The following CCDC171 variants were observed in gnomAD, a reference collection of about 807,000 sequenced individuals.
CCDC171 encodes the protein coiled-coil domain containing 171.
A neutral mutation model predicts 168.2 loss-of-function variants in CCDC171; 177 were observed. That is an observed-to-expected ratio of 1.05 (90% CI 0.93 to 1.19). The LOEUF is 1.19. CCDC171 is among the 50% of genes most tolerant of loss of function. CCDC171 has a pLI of 0.00. For missense variants in CCDC171, 1,991 were observed against 1,539.0 expected, an observed-to-expected ratio of 1.29 and a Z score of -4.91; for synonymous variants, 687 against 540.8, an observed-to-expected ratio of 1.27 and a Z score of -3.75.
At chr9:15,651,926 G>C (rs78787072) in intron 7 of CCDC171, among the ~76,000 whole-genome samples, 1 of 151,888 alleles carries the variant, frequency 6.6e-6, no homozygotes, top group African/African-American at 2.4e-5. Context: ...GATTTTTTTT[G>C]AGACAGGGTC....
At chr9:15,740,797 C>G (rs2054825108) in intron 16 of CCDC171, among the ~76,000 whole-genome samples, 1 of 152,086 alleles carries the variant, frequency 6.6e-6, no homozygotes. Context: ...CCTCTCATTC[C>G]TCTTCTTTTT....
At chr9:16,046,225 G>C (rs1833656799) in intron 1 of CCDC171, among the ~76,000 whole-genome samples, 1 of 152,158 alleles carries the variant, frequency 6.6e-6, no homozygotes, top group Admixed American at 6.5e-5. Flanking sequence ...CCAACACATG[G>C]ATGGATGCTG....
chr9:15,679,480 C>G (rs368824443), intron 10 of CCDC171, among the ~76,000 whole-genome samples: 78 of 152,298 alleles, frequency 5.1e-4, no homozygotes, highest in African/African-American at 1.7e-3. Context: ...TTTCTACCCT[C>G]TTATTTTGCC....
chr9:15,913,179 G>T (rs1186910610), intron 24 of CCDC171, among the ~76,000 whole-genome samples: 1 of 152,054 alleles, frequency 6.6e-6, no homozygotes, highest in Non-Finnish European at 1.5e-5. Context: ...GGCTTTTTTG[G>T]TTGGTAATTA....
At chr9:15,880,642 T>C (rs2131330367) in intron 24 of CCDC171, among the ~76,000 whole-genome samples, 1 of 147,118 alleles carries the variant, frequency 6.8e-6, no homozygotes, top group African/African-American at 2.6e-5. Flanking sequence ...TTTTTTTTTT[T>C]TTTTTGTAAT....
intron 25 of CCDC171, among the ~76,000 whole-genome samples, chr9:15,970,520 C>T (rs1831245805): frequency 6.6e-6 from 1 of 151,882 alleles, no homozygotes; most frequent in African/African-American, 2.4e-5. Flanking sequence ...TACAATTGAT[C>T]ACTATTTTCC....
At chr9:15,602,155 T>C (rs552789835) in intron 6 of CCDC171, among the ~76,000 whole-genome samples, 3 of 152,342 alleles carry the variant, frequency 2.0e-5, no homozygotes, top group African/African-American at 7.2e-5. Context: ...TTCTTGTCCT[T>C]TTTTTAATTA....
chr9:15,677,917 TATATATATAA>T (rs1302009428), intron 9 of CCDC171, among the ~76,000 whole-genome samples: 1,207 of 34,518 alleles, frequency 0.035, 130 homozygotes, highest in Non-Finnish European at 0.045. Context: ...TATATATATA[TATATATATAA>T]GAGATGTGGT....
At chr9:15,694,369 CAT>C (rs1314465703) in intron 10 of CCDC171, among the ~76,000 whole-genome samples, 1 of 152,156 alleles carries the variant, frequency 6.6e-6, no homozygotes, top group African/African-American at 2.4e-5. Context: ...TGTTCATTCA[CAT>C]ATATTTATTT....
In CCDC171 at chr9:15,603,281, T is replaced by C. The variant is rs115063900; in HGVS notation, c.675+9109T>C. Among the ~76,000 whole-genome samples, 270 of 152,292 alleles carry C rather than the reference T, an allele frequency of 1.8e-3. 2 individuals carry two copies. The highest frequency in any genetic ancestry group is 6.0e-3 in the African/African-American group (249 of 41,574). Reference sequence around the variant, plus strand: ...TTTATTTTAAGTTTTTGGGTACATATGCAGGATGTGCAGGTTAGTTACATA... The same window carrying C: ...TTTATTTTAAGTTTTTGGGTACATACGCAGGATGTGCAGGTTAGTTACATA... On this transcript the variant is annotated intron_variant, in intron 6 of 25. Coordinates refer to ENST00000380701, the MANE Select transcript of CCDC171 (RefSeq NM_173550.4).
At chr9:15,764,510 A>G (rs781374513) in intron 18 of CCDC171, among the ~76,000 whole-genome samples, 11 of 152,194 alleles carry the variant, frequency 7.2e-5, no homozygotes, top group Non-Finnish European at 1.5e-4. Flanking sequence ...AAAGATAGGA[A>G]TCAAGAATGG....
chr9:15,831,425 G>C (rs2060229055), intron 21 of CCDC171, among the ~76,000 whole-genome samples: 2 of 152,156 alleles, frequency 1.3e-5, no homozygotes, highest in African/African-American at 4.8e-5. Context: ...AAACACACTT[G>C]ACACTTTCTT....
intron 4 of CCDC171, among the ~76,000 whole-genome samples, chr9:15,580,431 C>T (rs930729382): frequency 2.6e-5 from 4 of 152,074 alleles, no homozygotes; most frequent in African/African-American, 9.7e-5. Flanking sequence ...AAAGAATAGT[C>T]AGCAGAGTAA....
At chr9:15,653,884 C>CGG (rs1405040735) in intron 7 of CCDC171, among the ~76,000 whole-genome samples, 1 of 151,602 alleles carries the variant, frequency 6.6e-6, no homozygotes, top group Non-Finnish European at 1.5e-5. Context: ...CCCAAAGTGA[C>CGG]GGGGGCCACT....
chr9:15,669,255 T>G (rs1051796374), intron 9 of CCDC171, among the ~76,000 whole-genome samples: 1 of 152,192 alleles, frequency 6.6e-6, no homozygotes, highest in Non-Finnish European at 1.5e-5. Context: ...TAGAATAAAT[T>G]TTTTTCCATC....
At chr9:15,629,050 C>T (rs1421197548) in intron 7 of CCDC171, among the ~76,000 whole-genome samples, 1 of 151,978 alleles carries the variant, frequency 6.6e-6, no homozygotes, top group African/African-American at 2.4e-5. Context: ...TCATCAAAGA[C>T]CAAAAGTAGA....
At position 15,678,648 on chromosome 9, in the gene CCDC171, T is replaced by G. The variant is rs141427267; in HGVS notation, c.1077-110T>G. ...AAAGGAGTTAGCCTTAAAAAGTCTT[T>G]TAGCATGAACACATGATATGTAGTA... On this transcript the variant is annotated intron_variant, in intron 9 of 25. Transcript: ENST00000380701. 3.6e-4 allele frequency: 302 copies of G among 832,242 alleles called. No homozygotes were observed. The Middle Eastern group carries it at 4.7e-3, about 13-fold the overall frequency. The allele number at this position is 832,242 out of a possible 1,614,324, so 51.6% of individuals were successfully genotyped here. A position where few individuals can be genotyped will look rare whatever the true frequency, so the allele number is the denominator to read the frequency against.
At chr9:16,072,155 A>G in the CCDC171 span, among the ~76,000 whole-genome samples, 1 of 152,278 alleles carries the variant, frequency 6.6e-6, no homozygotes, top group Admixed American at 6.5e-5. Context: ...TGAATTTTAC[A>G]GATTAAACAG....
At chr9:15,668,191 C>G (rs73644687) in intron 9 of CCDC171, among the ~76,000 whole-genome samples, 113 of 152,186 alleles carry the variant, frequency 7.4e-4, no homozygotes, top group African/African-American at 2.6e-3. Context: ...GAGTTCCCTG[C>G]CTTGGGAAAT....
Sources: allele counts gnomAD v4.1 joint callset (sites outside exome capture counted in the v4.1 genomes callset), GRCh38; gene constraint gnomAD v4.1.1; transcripts MANE v1.5; gene names NCBI Gene and HGNC (gene_info 2026-07-23, HGNC 2026-07-21).